Variants in ESR1 observed in about 807,000 individuals in gnomAD.
The protein encoded by ESR1 is estrogen receptor.
In ESR1, 12 loss-of-function variants were observed where a neutral mutation model predicts 52.7. The ratio of observed to expected loss-of-function variants is 0.23; its 90% CI spans 0.15 to 0.37. ESR1 has a LOEUF of 0.37. Among genes scored for constraint, ESR1 ranks in the 10% least tolerant of loss-of-function variants. The probability of loss-of-function intolerance (pLI) is 1.00; values close to 1 mark genes in which losing one functional copy is unlikely to be tolerated. For missense variants in ESR1, 584 were observed against 779.7 expected (o/e 0.75, Z 2.99); for synonymous variants, 305 against 316.8 (o/e 0.96, Z 0.39).
At chr6:151,719,320 T>G (rs939386609) in intron 2 of ESR1, among the ~76,000 whole-genome samples, 1 of 151,956 alleles carries the variant, frequency 6.6e-6, no homozygotes, top group African/African-American at 2.4e-5. Flanking sequence ...TCGAGCCAGG[T>G]AAGGCAGATT....
chr6:151,899,120 G>C (rs1212302373), intron 3 of ESR1, among the ~76,000 whole-genome samples: 1 of 132,402 alleles, frequency 7.6e-6, no homozygotes, highest in African/African-American at 3.0e-5. Flanking sequence ...CTGGCCGGGC[G>C]GGGGGCTGAC....
At chr6:152,037,061 A>G (rs1169767137) in intron 5 of ESR1, among the ~76,000 whole-genome samples, 1 of 152,218 alleles carries the variant, frequency 6.6e-6, no homozygotes, top group Non-Finnish European at 1.5e-5. Flanking sequence ...TGCTGATGAG[A>G]TGGTAGGATT....
chr6:151,903,754 G>C lies in ESR1; in HGVS notation c.760+22983G>C, dbSNP rs561575718. Reference sequence around the variant, plus strand: ...CCCACCAGTGCCCAGCTGGCTGCTTGGCACTGCATGTGATGTATCTTTGTT... The same window carrying C: ...CCCACCAGTGCCCAGCTGGCTGCTTCGCACTGCATGTGATGTATCTTTGTT... On this transcript the variant is annotated intron_variant, in intron 3 of 7. Transcript: ENST00000206249. Among the ~76,000 whole-genome samples, 5 of 152,310 alleles carry C rather than the reference G, an allele frequency of 3.3e-5. No individual in the cohort carries two copies. The South Asian group carries it at 8.3e-4, about 25-fold the overall frequency.
intron 1 of ESR1, among the ~76,000 whole-genome samples, chr6:151,671,687 T>C (rs2115254130): frequency 6.6e-6 from 1 of 152,208 alleles, no homozygotes; most frequent in South Asian, 2.1e-4. Flanking sequence ...AACTTAAAAG[T>C]TCTTTTTAAA....
chr6:152,123,389 C>CCATTTTCTG (rs903069754), intron 6 of ESR1, among the ~76,000 whole-genome samples: 2 of 152,150 alleles, frequency 1.3e-5, no homozygotes, highest in Non-Finnish European at 2.9e-5. Context: ...AAAATGGACA[C>CCATTTTCTG]CATTTTCTGA....
intron 3 of ESR1, 107 bp from the exon 4 acceptor site, chr6:151,944,066 A>G (rs2035422593): frequency 1.1e-6 from 1 of 908,006 alleles, no homozygotes; most frequent in South Asian, 1.5e-5. Context: ...TGTGCTTGAA[A>G]GTATTTCTTC....
At chr6:151,784,899 G>T (rs546162412) in intron 2 of ESR1, among the ~76,000 whole-genome samples, 2 of 152,216 alleles carry the variant, frequency 1.3e-5, no homozygotes, top group East Asian at 3.9e-4. Flanking sequence ...AGGCCAGCAG[G>T]CTGGAAACTC....
intron 6 of ESR1, chr6:152,112,790 A>G (rs1307521411): frequency 6.6e-6 from 1 of 152,288 alleles, no homozygotes; most frequent in Non-Finnish European, 1.5e-5. Context: ...GAAGCGGCCA[A>G]GGGATTTGCA....
intron 4 of ESR1, among the ~76,000 whole-genome samples, chr6:151,952,048 G>A (rs9322346): frequency 0.044 from 6,668 of 152,156 alleles, 388 homozygotes; most frequent in African/African-American, 0.13. Context: ...CACCCTAATC[G>A]AGTATGACTT....
rs1279242873 is a variant in ESR1, at chr6:151,808,460, A to T, written c.452+96A>T. On this transcript the variant is annotated intron_variant, in intron 1 of 7. Coordinates refer to ENST00000206249, the MANE Select transcript of ESR1 (RefSeq NM_000125.4). ...AAGGGAGAGCCTAGGGAGCTGCGGG[A>T]GCCGCGGGACGCGCGACCCGAGGGT... The T allele has an allele frequency of 5.2e-6, 6 of 1,153,044 alleles. No individual in the cohort carries two copies. In the Admixed American group the frequency reaches 2.3e-4, roughly 45 times the overall value. The allele number at this position is 1,153,044 out of a possible 1,614,324, so 71.4% of individuals were successfully genotyped here.
intron 1 of ESR1, among the ~76,000 whole-genome samples, chr6:151,674,209 G>A (rs1014501144): frequency 6.6e-6 from 1 of 152,078 alleles, no homozygotes; most frequent in Non-Finnish European, 1.5e-5. Flanking sequence ...AGGCCCTGGT[G>A]TGGGATGTTC....
chr6:151,809,465 A>T (rs564846265), intron 1 of ESR1, among the ~76,000 whole-genome samples: 1 of 152,188 alleles, frequency 6.6e-6, no homozygotes, highest in East Asian at 1.9e-4. Flanking sequence ...TGTACCCCGG[A>T]CTGGGTTTGG....
Position 151,707,950 on chromosome 6 carries a change from C to T in ESR1, c.-71+5945C>T, listed in dbSNP as rs189137367. Among the ~76,000 whole-genome samples the T allele has an allele frequency of 7.7e-4, 117 of 152,110 alleles. 1 individual carries two copies. Among genetic ancestry groups the T allele is most frequent in the Non-Finnish European group, 1.3e-3 (87 of 67,948 alleles). On this transcript the variant is annotated intron_variant, in intron 2 of 2. Transcript: ENST00000404742. ...CATTTTCTCTTGTTACAGTGCCATG[C>T]ATATTTCTATTATGTTACAGAGATC...
At chr6:151,969,913 A>G (rs573985519) in intron 4 of ESR1, among the ~76,000 whole-genome samples, 25 of 150,114 alleles carry the variant, frequency 1.7e-4, no homozygotes, top group Admixed American at 1.6e-3. Flanking sequence ...AAACACAACA[A>G]ATTTTTTTTT....
intron 3 of ESR1, among the ~76,000 whole-genome samples, chr6:151,934,019 T>A (rs1353563754): frequency 6.6e-6 from 1 of 152,200 alleles, no homozygotes; most frequent in East Asian, 1.9e-4. Context: ...AGCAGTGGCT[T>A]CTCATCTCTT....
At chr6:151,957,687 T>A (rs972234613) in intron 4 of ESR1, among the ~76,000 whole-genome samples, 2 of 152,174 alleles carry the variant, frequency 1.3e-5, no homozygotes, top group Non-Finnish European at 2.9e-5. Context: ...AATACTTAAA[T>A]GAATTAGGTA....
At chr6:151,975,795 T>C (rs1249941712) in intron 4 of ESR1, among the ~76,000 whole-genome samples, 1 of 152,220 alleles carries the variant, frequency 6.6e-6, no homozygotes, top group Non-Finnish European at 1.5e-5. Context: ...TCAAGCCAAG[T>C]TGGCATATAG....
At position 151,849,336 on chromosome 6, in the gene ESR1, A is replaced by T. The variant is rs559960696; in HGVS notation, c.643+6549A>T. On this transcript the variant is annotated intron_variant, in intron 2 of 7. Transcript: ENST00000206249. ...GCACGTCCCTACTAAATAGTAGAAT[A>T]TGGCGAAGGGTCAGAGTCATGATAG... Among the ~76,000 whole-genome samples, 3 of 152,272 alleles carry T rather than the reference A, an allele frequency of 2.0e-5. No homozygotes were observed. In the East Asian group the frequency reaches 5.8e-4, roughly 29 times the overall value.
intron 4 of ESR1, among the ~76,000 whole-genome samples, chr6:152,006,716 A>G (rs535927790): frequency 6.6e-6 from 1 of 151,996 alleles, no homozygotes; most frequent in South Asian, 2.1e-4. Flanking sequence ...TCTTCTATTG[A>G]GTGAAAAGCC....
Sources: allele counts gnomAD v4.1 joint callset (sites outside exome capture counted in the v4.1 genomes callset), GRCh38; gene constraint gnomAD v4.1.1; transcripts MANE v1.5; gene names NCBI Gene and HGNC (gene_info 2026-07-23, HGNC 2026-07-21).